Variants in STT3A observed in about 807,000 individuals in gnomAD.
The protein encoded by STT3A is STT3 oligosaccharyltransferase complex catalytic subunit A.
STT3A carries 34 observed loss-of-function variants against 89.2 expected under a neutral mutation model. The ratio of observed to expected loss-of-function variants is 0.38; its 90% confidence interval spans 0.29 to 0.51. The LOEUF is 0.51. Among genes scored for constraint, STT3A ranks in the 20% least tolerant of loss-of-function variants. STT3A has a pLI of 0.89. For synonymous variants in STT3A, 282 were observed against 310.3 expected, an observed-to-expected ratio of 0.91 and a Z score of 0.96; for missense variants, 555 against 889.5, an observed-to-expected ratio of 0.62 and a Z score of 4.78.
At chr11:125,595,669 AT>A (rs1939470634) in intron 1 of STT3A, among the ~76,000 whole-genome samples, 1 of 152,164 alleles carries the variant, frequency 6.6e-6, no homozygotes, top group Non-Finnish European at 1.5e-5. Context: ...TGACCACTCC[AT>A]TTTAGTCTTG....
Position 125,620,878 on chromosome 11 carries a change from T to G in STT3A, c.*68T>G, listed in dbSNP as rs988124205. ...CATTTAGGACGTTGAAGATTTTTTT[T>G]TTTTTTTTTTTTTAATATGCAGTTT... On this transcript the variant is annotated 3_prime_UTR_variant, in exon 18 of 18. Coordinates refer to ENST00000392708, the MANE Select transcript of STT3A (RefSeq NM_152713.5). 13 of 1,434,192 alleles carry G rather than the reference T, an allele frequency of 9.1e-6. No homozygotes were observed. The highest frequency in any genetic ancestry group is 1.0e-5 in the Non-Finnish European group (11 of 1,056,722). The allele number at this position is 1,434,192 out of a possible 1,614,324, so 88.8% of individuals were successfully genotyped here.
chr11:125,605,791 A>T, intron 7 of STT3A, 56 bp downstream of exon 7: 2 of 1,428,998 alleles, frequency 1.4e-6, no homozygotes, highest in Non-Finnish European at 1.9e-6. Flanking sequence ...TGTATTTCCT[A>T]TGGGTACTTA....
At chr11:125,607,451 C>T (rs1939872257) in intron 8 of STT3A, among the ~76,000 whole-genome samples, 1 of 152,196 alleles carries the variant, frequency 6.6e-6, no homozygotes, top group South Asian at 2.1e-4. Context: ...GGTCTTCTTA[C>T]AGGGAAAGAA....
intron 5 of STT3A, 123 bp from the exon 6 acceptor site, chr11:125,604,034 T>C: frequency 1.0e-6 from 1 of 978,326 alleles, no homozygotes; most frequent in Non-Finnish European, 1.5e-6. Flanking sequence ...ACATCTCACA[T>C]CTACCTTCGA....
Position 125,613,295 on chromosome 11 carries a change from C to T in STT3A, c.1554+118C>T. 2 of 1,094,932 alleles carry T rather than the reference C, an allele frequency of 1.8e-6. No individual in the cohort carries two copies. Among genetic ancestry groups the T allele is most frequent in the Admixed American group, 2.4e-5 (1 of 42,260 alleles). 67.8% of individuals were successfully genotyped at this position (1,094,932 alleles called of 1,614,324 possible). A position where few individuals can be genotyped will look rare whatever the true frequency, so the allele number is the denominator to read the frequency against. On this transcript the variant is annotated intron_variant, in intron 13 of 17. Coordinates refer to ENST00000392708, the MANE Select transcript of STT3A (RefSeq NM_152713.5). The surrounding 1 kb of genome is among the most constrained non-coding windows in gnomAD (Gnocchi z 4.2). ...AAAGCTGGGTGAAACTGGAACTTTG[C>T]AACTCTAGTCTTGAATGAGCCTTAA... is the stretch of plus-strand genomic sequence containing the variant.
chr11:125,611,617 A>G (rs1257175955), intron 11 of STT3A, 98 bp downstream of exon 11: 6 of 1,113,648 alleles, frequency 5.4e-6, no homozygotes, highest in Admixed American at 2.0e-5. Flanking sequence ...GATTGTGCAC[A>G]TGCTTCCCTC....
At chr11:125,605,114 TG>T (rs1939793603) in intron 6 of STT3A, among the ~76,000 whole-genome samples, 1 of 133,472 alleles carries the variant, frequency 7.5e-6, no homozygotes, top group Non-Finnish European at 1.7e-5. Flanking sequence ...TTGTTGTTGT[TG>T]TTTTTATTTT....
chr11:125,620,628 A>G (rs1591383229), intron 17 of STT3A, 144 bp from the exon 18 acceptor site: 1 of 679,822 alleles, frequency 1.5e-6, no homozygotes. Flanking sequence ...TCTAGTCTCT[A>G]GTCAGTGCTT....
At chr11:125,608,860 T>C (rs1939915575) in intron 9 of STT3A, among the ~76,000 whole-genome samples, 1 of 152,200 alleles carries the variant, frequency 6.6e-6, no homozygotes, top group African/African-American at 2.4e-5. Flanking sequence ...GAAAGGACTA[T>C]ATCTTACCTT....
rs773705412 is a variant in STT3A, at chr11:125,618,399, C to T, written c.1801C>T (p.Arg601Trp). ...DDINKFLWMV[R>W]IGGSTDTGKH... ...TATCAACAAGTTTCTTTGGATGGTCCGGATTGGAGGGAGCACAGATACAGG... is the reference window on the plus strand; with the variant it reads ...TATCAACAAGTTTCTTTGGATGGTCTGGATTGGAGGGAGCACAGATACAGG... The change falls in exon 16 of 18, where the codon CGG becomes TGG. Residue 601 changes from arginine (R) to tryptophan (W), a missense_variant. Transcript: ENST00000392708. 1.9e-6 allele frequency: 3 copies of T among 1,608,190 alleles called. No homozygotes were observed. Among genetic ancestry groups the T allele is most frequent in the Non-Finnish European group, 2.5e-6 (3 of 1,177,992 alleles).
At chr11:125,601,986 A>G (rs1012093324) in intron 3 of STT3A, among the ~76,000 whole-genome samples, 2 of 151,760 alleles carry the variant, frequency 1.3e-5, no homozygotes, top group Non-Finnish European at 2.9e-5. Flanking sequence ...TTTAGTAGAG[A>G]TGGGGTTTCA....
rs550135589 is a variant in STT3A at position 125,602,083 on chromosome 11, C to G, written c.150-220C>G. On this transcript the variant is annotated intron_variant, in intron 3 of 17. Coordinates refer to ENST00000392708, the MANE Select transcript of STT3A (RefSeq NM_152713.5). ...AAGTGCTGAGATTATAGGCATGAGC[C>G]ACTGCACCCGGCTCATTTCCTTATG... Among the ~76,000 whole-genome samples the G allele has an allele frequency of 1.9e-4, 29 of 152,290 alleles. 1 individual carries two copies. Among genetic ancestry groups the G allele is most frequent in the African/African-American group, 6.5e-4 (27 of 41,556 alleles).
At chr11:125,617,834 C>T (rs1940222843) in intron 15 of STT3A, among the ~76,000 whole-genome samples, 1 of 152,290 alleles carries the variant, frequency 6.6e-6, no homozygotes, top group South Asian at 2.1e-4. Context: ...ATATTAGTCA[C>T]ATCAAACTAA....
chr11:125,601,962 C>G (rs1389295382), intron 3 of STT3A, among the ~76,000 whole-genome samples: 2 of 151,970 alleles, frequency 1.3e-5, no homozygotes, highest in Admixed American at 6.6e-5. Context: ...CCGTGCCCAG[C>G]TAATTTTTGT....
At position 125,620,019 on chromosome 11, in the gene STT3A, C is replaced by T. The variant is rs777613262; in HGVS notation, c.1972C>T (p.Pro658Ser). ...GQVYTEAKRP[P>S]GFDRVRNAEI... ...TTTTCATCCCTCTCTAGAGCGTCCT[C>T]CAGGCTTTGACCGTGTCCGAAATGC... The change falls in exon 17 of 18, where the codon CCA (proline) becomes TCA (serine). Residue 658 changes from proline (P) to serine (S), a missense_variant. Physicochemically the swap from Pro to Ser is moderately conservative, Grantham distance 74. Coordinates refer to ENST00000392708, the MANE Select transcript of STT3A (RefSeq NM_152713.5). 6.2e-7 allele frequency: 1 copy of T among 1,614,022 alleles called. No homozygotes were observed. Among genetic ancestry groups the T allele is most frequent in the Non-Finnish European group, 8.5e-7 (1 of 1,179,952 alleles).
intron 1 of STT3A, among the ~76,000 whole-genome samples, chr11:125,593,987 A>G (rs1939401668): frequency 1.3e-5 from 2 of 152,240 alleles, no homozygotes; most frequent in African/African-American, 2.4e-5. Context: ...AGTGTTCTAT[A>G]GGATAACTAT....
At chr11:125,592,287 T>TAG, upstream of STT3A, 1 of 397,450 alleles carries the variant, frequency 2.5e-6, no homozygotes, top group Non-Finnish European at 5.1e-6. Flanking sequence ...AAAGCTCGAG[T>TAG]CAACTATCAG....
Position 125,609,574 on chromosome 11 carries a change from G to A in STT3A, c.1102G>A (p.Val368Ile), listed in dbSNP as rs1409454740. ...SSYYFDLQLL[V>I]FMFPVGLYYC... ...ATACTATTTTGACCTGCAGCTCCTC[G>A]TCTTCATGTTTCCAGGTATGTGGCC... is the stretch of plus-strand genomic sequence containing the variant. Residue 368 changes from valine to isoleucine, a missense_variant, in exon 10 of 18, where the codon GTC (valine) becomes ATC (isoleucine). By Grantham distance (29) the Val-to-Ile change is conservative. This residue lies in a region of STT3A where 273 missense variants were observed against 449.8 expected (regional missense o/e 0.61). Coordinates refer to ENST00000392708, the MANE Select transcript of STT3A (RefSeq NM_152713.5). 6.2e-6 allele frequency: 10 copies of A among 1,612,340 alleles called. No individual in the cohort carries two copies. The highest frequency in any genetic ancestry group is 1.1e-5 in the South Asian group (1 of 90,622).
intron 3 of STT3A, among the ~76,000 whole-genome samples, chr11:125,597,784 T>C (rs979282900): frequency 1.3e-5 from 2 of 152,240 alleles, no homozygotes; most frequent in Admixed American, 6.5e-5. Context: ...GAAAAAGATA[T>C]AGTGGAATTC....
Sources: allele counts gnomAD v4.1 joint callset (sites outside exome capture counted in the v4.1 genomes callset), GRCh38; gene constraint gnomAD v4.1.1; regional missense constraint gnomAD v4.1.1; non-coding constraint Gnocchi (gnomAD v3.1); transcripts MANE v1.5; gene names NCBI Gene and HGNC (gene_info 2026-07-23, HGNC 2026-07-21).